The following KLHL3 variants were observed in gnomAD, a reference collection of about 807,000 sequenced individuals.
KLHL3 encodes the protein kelch-like protein 3.
In KLHL3, 19 loss-of-function variants were observed where a neutral mutation model predicts 70.5. The ratio of observed to expected loss-of-function variants is 0.27; its 90% CI spans 0.19 to 0.40. The LOEUF (loss-of-function observed/expected upper bound fraction) is 0.40, where lower values mean the gene tolerates loss of function less well. Among genes scored for constraint, KLHL3 ranks in the 10% least tolerant of loss-of-function variants. The pLI, the probability that KLHL3 is intolerant of heterozygous loss-of-function variation, is 1.00. For synonymous variants in KLHL3, 258 were observed against 290.3 expected (o/e 0.89, Z 1.13); for missense variants, 512 against 771.1 (o/e 0.66, Z 3.98).
At chr5:137,716,496 T>C (rs1752895718) in intron 2 of KLHL3, among the ~76,000 whole-genome samples, 1 of 152,152 alleles carries the variant, frequency 6.6e-6, no homozygotes, top group African/African-American at 2.4e-5. Context: ...ACAAGATACT[T>C]TGAGAGAGGG....
chr5:137,699,485 T>G (rs565540715), intron 3 of KLHL3, among the ~76,000 whole-genome samples: 1 of 152,128 alleles, frequency 6.6e-6, no homozygotes, highest in East Asian at 1.9e-4. Flanking sequence ...GAACGAAATT[T>G]TGGATGCAGG....
At chr5:137,730,609 C>A (rs981060604) in intron 1 of KLHL3, among the ~76,000 whole-genome samples, 1 of 152,154 alleles carries the variant, frequency 6.6e-6, no homozygotes, top group Admixed American at 6.5e-5. Context: ...AAACTGCTTT[C>A]TTTAAAACTC....
chr5:137,697,249 C>T (rs1314723573), intron 4 of KLHL3, among the ~76,000 whole-genome samples: 5 of 151,966 alleles, frequency 3.3e-5, no homozygotes, highest in African/African-American at 7.3e-5. Flanking sequence ...CAGCAACCTC[C>T]GCCTCCTGGG....
intron 3 of KLHL3, among the ~76,000 whole-genome samples, chr5:137,698,957 C>T (rs147788992): frequency 1.3e-5 from 2 of 152,244 alleles, no homozygotes; most frequent in African/African-American, 4.8e-5. Context: ...AATATTATTG[C>T]CATTTTACAG....
chr5:137,652,241 T>A (rs546605786), intron 8 of KLHL3, among the ~76,000 whole-genome samples: 3 of 152,252 alleles, frequency 2.0e-5, no homozygotes, highest in South Asian at 2.1e-4. Context: ...ACAGCCACCA[T>A]GGAAAACAGT....
chr5:137,659,257 A>G (rs1751416291), intron 7 of KLHL3, among the ~76,000 whole-genome samples: 1 of 152,210 alleles, frequency 6.6e-6, no homozygotes, highest in African/African-American at 2.4e-5. Flanking sequence ...TGAAGAATTC[A>G]AGTCCAGTCA....
chr5:137,671,143 T>C (rs1368784298), intron 6 of KLHL3, among the ~76,000 whole-genome samples: 1 of 152,116 alleles, frequency 6.6e-6, no homozygotes, highest in Non-Finnish European at 1.5e-5. Context: ...CCCACCATTC[T>C]CCACGGTCCT....
At chr5:137,691,256 TTC>T (rs1752314291) in intron 5 of KLHL3, among the ~76,000 whole-genome samples, 1 of 152,206 alleles carries the variant, frequency 6.6e-6, no homozygotes, top group Non-Finnish European at 1.5e-5. Context: ...TATTAAAGTT[TTC>T]TGATTTAAAA....
rs1756355786 is a variant in KLHL3 at position 137,620,206 on chromosome 5, T to C, written c.*1892A>G. ...TCCCCCAAAGCTGGATATTTTAGCC[T>C]CTTCTGAAGGCTTCTAAAAATTCTG... On this transcript the variant is annotated 3_prime_UTR_variant, in exon 15 of 15. Transcript: ENST00000309755. 2 of 152,248 alleles carry C rather than the reference T, an allele frequency of 1.3e-5. No homozygotes were observed. The highest frequency in any genetic ancestry group is 1.3e-4 in the Admixed American group (2 of 15,286). The allele number at this position is 152,248 out of a possible 1,614,324, so 9.4% of individuals were successfully genotyped here.
chr5:137,652,651 A>C (rs933586612), intron 8 of KLHL3, among the ~76,000 whole-genome samples: 2 of 152,236 alleles, frequency 1.3e-5, no homozygotes, highest in Non-Finnish European at 2.9e-5. Context: ...GGTGGTTACC[A>C]AGGGATAGGG....
At chr5:137,644,685 C>G (rs1751000032) in intron 8 of KLHL3, among the ~76,000 whole-genome samples, 2 of 152,138 alleles carry the variant, frequency 1.3e-5, no homozygotes, top group African/African-American at 4.8e-5. Flanking sequence ...AGTCTGCTAT[C>G]AAAGAAAAGC....
chr5:137,730,476 C>G (rs1480452551), intron 1 of KLHL3, among the ~76,000 whole-genome samples: 1 of 152,182 alleles, frequency 6.6e-6, no homozygotes, highest in Non-Finnish European at 1.5e-5. Flanking sequence ...GGGGCCTTCA[C>G]ACAAGCCAAT....
intron 6 of KLHL3, among the ~76,000 whole-genome samples, chr5:137,662,502 A>T (rs1751508174): frequency 6.6e-6 from 1 of 152,240 alleles, no homozygotes; most frequent in South Asian, 2.1e-4. Context: ...GTAGAATAAA[A>T]ACAGTAAGAA....
chr5:137,700,308 A>C (rs780380909), intron 3 of KLHL3, among the ~76,000 whole-genome samples: 6 of 152,214 alleles, frequency 3.9e-5, no homozygotes, highest in Non-Finnish European at 5.9e-5. Context: ...TGCAAAAGAT[A>C]ATCAAAGATA....
chr5:137,734,208 G>A (rs376616011), intron 1 of KLHL3, among the ~76,000 whole-genome samples: 7 of 152,128 alleles, frequency 4.6e-5, no homozygotes, highest in South Asian at 2.1e-4. Context: ...AACCTTCATC[G>A]CATCAACCCC....
chr5:137,730,343 A>G (rs1440039889), intron 1 of KLHL3, among the ~76,000 whole-genome samples: 1 of 152,180 alleles, frequency 6.6e-6, no homozygotes, highest in Non-Finnish European at 1.5e-5. Flanking sequence ...ACCAGGCCAA[A>G]TGAAAAAAGA....
At chr5:137,692,548 C>T (rs1752349096) in intron 4 of KLHL3, 101 bp from the exon 5 acceptor site, 8 of 1,114,724 alleles carry the variant, frequency 7.2e-6, no homozygotes. Flanking sequence ...CTTTTCATGG[C>T]TCTCCACTGC....
In KLHL3 at chr5:137,639,778, A is replaced by G; in HGVS notation, c.1021+82T>C. ...CCTGAAATGCACAGATGCTTGAGGA[A>G]ACAAGGAGTAGCTCACGACTTCTGG... On this transcript the variant is annotated intron_variant, in intron 9 of 14. Coordinates refer to ENST00000309755, the MANE Select transcript of KLHL3 (RefSeq NM_017415.3). This position sits in a 1 kb window ranked among gnomAD's most constrained non-coding sequence, Gnocchi z 5.0. 1 of 990,644 alleles carries G rather than the reference A, an allele frequency of 1.0e-6. No homozygotes were observed. The highest frequency in any genetic ancestry group is 1.8e-5 in the Admixed American group (1 of 56,418). 61.4% of individuals were successfully genotyped at this position (990,644 alleles called of 1,614,324 possible).
chr5:137,704,317 G>A (rs534489142), intron 3 of KLHL3, among the ~76,000 whole-genome samples: 1 of 152,128 alleles, frequency 6.6e-6, no homozygotes, highest in South Asian at 2.1e-4. Context: ...CCCGGGAAGC[G>A]GAGCTTGCAG....
Sources: gnomAD v4.1 joint callset for allele counts (sites outside exome capture counted in the v4.1 genomes callset) on GRCh38, gnomAD v4.1.1 for gene constraint, Gnocchi (gnomAD v3.1) non-coding constraint, MANE v1.5 for transcripts, NCBI Gene and HGNC (gene_info 2026-07-23, HGNC 2026-07-21) for gene names.